DLG1: variants seen among roughly 807,000 people sequenced by gnomAD.
The protein encoded by DLG1 is disks large homolog 1.
DLG1 carries 42 observed loss-of-function variants against 123.4 expected under a neutral mutation model. The ratio of observed to expected loss-of-function variants is 0.34; its 90% CI spans 0.27 to 0.44. The LOEUF (loss-of-function observed/expected upper bound fraction) is 0.44, where lower values mean the gene tolerates loss of function less well. Ranked by LOEUF, DLG1 falls within the 20% of genes least tolerant of loss-of-function variation. The pLI is 1.00. For synonymous variants in DLG1, 317 were observed against 356.2 expected, an observed-to-expected ratio of 0.89 and a Z score of 1.24; for missense variants, 942 against 1,082.6, an observed-to-expected ratio of 0.87 and a Z score of 1.82.
intron 4 of DLG1, among the ~76,000 whole-genome samples, chr3:197,278,571 C>T (rs1767674779): frequency 6.6e-6 from 1 of 151,956 alleles, no homozygotes; most frequent in African/African-American, 2.4e-5. Flanking sequence ...TCTCACTAGA[C>T]ATATGCTCAA....
Position 197,150,551 on chromosome 3 carries a change from C to T in DLG1, c.484-755G>A, listed in dbSNP as rs149772878. On this transcript the variant is annotated intron_variant, in intron 5 of 24. Coordinates refer to ENST00000667157, the MANE Select transcript of DLG1 (RefSeq NM_001366207.1). ...ATTCCCCTCAAAATTCTTTCTTCTG[C>T]ATATTTAAAGTTATGAAAGTACCAA... Among the ~76,000 whole-genome samples, 366 of 152,116 alleles carry T rather than the reference C, an allele frequency of 2.4e-3. 2 individuals are homozygous for T. The highest frequency in any genetic ancestry group is 3.7e-3 in the Non-Finnish European group (248 of 67,926).
At chr3:197,187,352 G>C (rs1716695769) in intron 5 of DLG1, among the ~76,000 whole-genome samples, 1 of 152,066 alleles carries the variant, frequency 6.6e-6, no homozygotes, top group Non-Finnish European at 1.5e-5. Context: ...GCTTATATTT[G>C]CTTGTGTCCA....
chr3:197,254,447 A>G (rs1045050632), intron 4 of DLG1, among the ~76,000 whole-genome samples: 2 of 152,216 alleles, frequency 1.3e-5, no homozygotes, highest in Non-Finnish European at 2.9e-5. Flanking sequence ...CAGCTTCCTG[A>G]AAAGGAAAGA....
intron 1 of DLG1, chr3:197,298,034 G>A (rs559094812): frequency 3.1e-6 from 2 of 653,232 alleles, no homozygotes; most frequent in East Asian, 1.4e-4. Context: ...CGGCCCGCTC[G>A]CCCAGTTGCT....
chr3:197,263,502 T>C (rs1267341087), intron 4 of DLG1, among the ~76,000 whole-genome samples: 3 of 152,146 alleles, frequency 2.0e-5, no homozygotes, highest in African/African-American at 7.2e-5. Context: ...GAATGTCTCA[T>C]GAGGCTGGGC....
At chr3:197,068,380 C>T in intron 19 of DLG1, 1 of 693,352 alleles carries the variant, frequency 1.4e-6, no homozygotes, top group Admixed American at 2.8e-5. Flanking sequence ...ATCATTTCCA[C>T]ACCAAAAAAA....
intron 4 of DLG1, among the ~76,000 whole-genome samples, chr3:197,249,650 A>C (rs1245687709): frequency 6.6e-6 from 1 of 152,244 alleles, no homozygotes; most frequent in Non-Finnish European, 1.5e-5. Flanking sequence ...TTATGAAATT[A>C]GATGCAAAAT....
intron 5 of DLG1, among the ~76,000 whole-genome samples, chr3:197,167,240 A>G (rs546488721): frequency 1.4e-4 from 21 of 152,360 alleles, no homozygotes; most frequent in South Asian, 1.0e-3. Context: ...TAAAAATGTA[A>G]TGATGGAATT....
At chr3:197,126,850 G>C (rs1319726772) in intron 11 of DLG1, among the ~76,000 whole-genome samples, 8 of 152,144 alleles carry the variant, frequency 5.3e-5, no homozygotes, top group Admixed American at 3.3e-4. Context: ...AAAATGTCAT[G>C]TTTTTAACTG....
intron 13 of DLG1, among the ~76,000 whole-genome samples, chr3:197,112,842 T>A (rs1352066573): frequency 6.6e-6 from 1 of 152,220 alleles, no homozygotes; most frequent in East Asian, 1.9e-4. Flanking sequence ...GCGATCCACC[T>A]GCCTCAGCCT....
chr3:197,236,711 TCA>T (rs549802141), intron 4 of DLG1, among the ~76,000 whole-genome samples: 145 of 152,340 alleles, frequency 9.5e-4, no homozygotes, highest in African/African-American at 3.3e-3. Flanking sequence ...AAGTCGATTT[TCA>T]CAGTTTTACC....
At chr3:197,236,294 C>T (rs1578474859) in intron 4 of DLG1, among the ~76,000 whole-genome samples, 1 of 151,922 alleles carries the variant, frequency 6.6e-6, no homozygotes, top group African/African-American at 2.4e-5. Context: ...TCCTGGGCAA[C>T]AGAGTGAGAT....
intron 14 of DLG1, among the ~76,000 whole-genome samples, chr3:197,100,097 C>T (rs1262948166): frequency 6.6e-6 from 1 of 152,112 alleles, no homozygotes; most frequent in African/African-American, 2.4e-5. Context: ...AAAAATACAG[C>T]AAGGGAAGTG....
At chr3:197,170,124 G>GTT (rs1402238870) in intron 5 of DLG1, among the ~76,000 whole-genome samples, 3 of 152,160 alleles carry the variant, frequency 2.0e-5, no homozygotes, top group Non-Finnish European at 4.4e-5. Flanking sequence ...GTATTCCGTG[G>GTT]TGTGTATGTG....
In DLG1 at chr3:197,285,045, A is replaced by AAC. The variant is rs1553821300; in HGVS notation, c.152-2201_152-2200insGT. Among the ~76,000 whole-genome samples the AAC allele has an allele frequency of 1.9e-3, 284 of 148,112 alleles. 3 individuals carry two copies. In the East Asian group the frequency reaches 0.034, roughly 18 times the overall value. ...TTATCTATTAAAAAAAAAAAAAAAAAAACTGGAAATCTCCAAGATCACACA... is the reference window on the plus strand; with the variant it reads ...TTATCTATTAAAAAAAAAAAAAAAAAACAACTGGAAATCTCCAAGATCACACA... On this transcript the variant is annotated intron_variant, in intron 3 of 24. Coordinates refer to ENST00000667157, the MANE Select transcript of DLG1 (RefSeq NM_001366207.1).
intron 5 of DLG1, among the ~76,000 whole-genome samples, chr3:197,159,871 A>G (rs921750262): frequency 3.3e-5 from 5 of 152,240 alleles, no homozygotes; most frequent in Non-Finnish European, 7.3e-5. Context: ...CCTCATTTAA[A>G]AAAACAAAAC....
At chr3:197,193,942 CCTGA>C (rs1721039606) in intron 5 of DLG1, among the ~76,000 whole-genome samples, 1 of 151,854 alleles carries the variant, frequency 6.6e-6, no homozygotes, top group African/African-American at 2.4e-5. Flanking sequence ...GTCTCAGCCT[CCTGA>C]GTAGCTGGGA....
intron 14 of DLG1, among the ~76,000 whole-genome samples, chr3:197,100,210 T>C (rs1762725617): frequency 6.6e-6 from 1 of 152,236 alleles, no homozygotes; most frequent in African/African-American, 2.4e-5. Context: ...CACTGCAATC[T>C]TCCCAGATTA....
chr3:197,223,951 TACCTGCCATAAAATTCA>T (rs1328666082), intron 4 of DLG1, among the ~76,000 whole-genome samples: 2 of 152,236 alleles, frequency 1.3e-5, no homozygotes, highest in Non-Finnish European at 2.9e-5. Flanking sequence ...TTGTCAGTAC[TACCTGCCATAAAATTCA>T]AACATTTTGG....
Sources: gnomAD v4.1 joint callset for allele counts (sites outside exome capture counted in the v4.1 genomes callset) on GRCh38, gnomAD v4.1.1 for gene constraint, MANE v1.5 for transcripts, NCBI Gene and HGNC (gene_info 2026-07-23, HGNC 2026-07-21) for gene names.